EGF: variants seen among roughly 807,000 people sequenced by gnomAD.
The protein encoded by EGF is epidermal growth factor, also known as pro-epidermal growth factor.
A neutral mutation model predicts 143.8 loss-of-function variants in EGF; 95 were observed. The observed-to-expected ratio is 0.66, with a 90% CI of 0.56 to 0.78. The LOEUF (loss-of-function observed/expected upper bound fraction) is 0.78, where lower values mean the gene tolerates loss of function less well. EGF is among the 30% of genes least tolerant of loss of function. The probability of loss-of-function intolerance (pLI) is 0.00; values close to 1 mark genes in which losing one functional copy is unlikely to be tolerated. For synonymous variants in EGF, 510 were observed against 510.5 expected (o/e 1.00, Z 0.01); for missense variants, 1,320 against 1,470.9 (o/e 0.90, Z 1.68).
At chr4:109,944,967 A>T in intron 4 of EGF, 106 bp from the exon 5 acceptor site, 1 of 1,178,108 alleles carries the variant, frequency 8.5e-7, no homozygotes. Flanking sequence ...ACAATTGAAA[A>T]CGTAGGTGGT....
At chr4:109,920,036 T>G (rs1459872803) in intron 1 of EGF, among the ~76,000 whole-genome samples, 1 of 151,660 alleles carries the variant, frequency 6.6e-6, no homozygotes, top group African/African-American at 2.4e-5. Context: ...TTATCGTTGA[T>G]GCATAGGTTT....
At chr4:110,004,447 A>T in intron 21 of EGF, 58 bp from the exon 22 acceptor site, 1 of 1,447,554 alleles carries the variant, frequency 6.9e-7, no homozygotes, top group Non-Finnish European at 9.7e-7. Flanking sequence ...ATCATCACTG[A>T]GTGGGCTGAG....
Position 109,980,843 on chromosome 4 carries a change from T to C in EGF, c.2239T>C (p.Tyr747His), listed in dbSNP as rs910620478. ...TCTACTAGGAGCAGATCCCTGCTTA[T>C]ATCAAAACGGAGGCTGTGAACATAT... ...LAKPGADPCL[Y>H]QNGGCEHICK... Residue 747 changes from tyrosine (Y) to histidine (H), a missense_variant, in exon 15 of 24, where the codon TAT becomes CAT. Tyr to His is a moderately conservative substitution (Grantham distance 83). Transcript: ENST00000265171. 3 of 1,614,066 alleles carry C rather than the reference T, an allele frequency of 1.9e-6. No individual in the cohort carries two copies. The highest frequency in any genetic ancestry group is 2.5e-6 in the Non-Finnish European group (3 of 1,179,942).
intron 1 of EGF, among the ~76,000 whole-genome samples, chr4:109,914,896 G>A (rs1414416335): frequency 2.0e-5 from 3 of 152,188 alleles, no homozygotes; most frequent in Non-Finnish European, 4.4e-5. Context: ...TCTAGAGTTG[G>A]GCACTGTCAT....
chr4:109,947,603 C>A (rs1271207709), intron 5 of EGF, among the ~76,000 whole-genome samples: 2 of 152,188 alleles, frequency 1.3e-5, no homozygotes, highest in African/African-American at 4.8e-5. Context: ...ATCTGATACA[C>A]TGCCACATAC....
intron 18 of EGF, 40 bp downstream of exon 18, chr4:109,988,749 G>A (rs369544011): frequency 6.2e-7 from 1 of 1,612,290 alleles, no homozygotes; most frequent in Non-Finnish European, 8.5e-7. Context: ...GCAGAGGCAG[G>A]CCTCAGAAAT....
rs749171336 is a variant in EGF, at chr4:109,963,187, G to C, written c.1327G>C (p.Asp443His). The change falls in exon 9 of 24, where the codon GAT becomes CAT. Residue 443 changes from aspartate (D) to histidine (H), a missense_variant. Asp to His is a moderately conservative substitution (Grantham distance 81, BLOSUM62 -1). Coordinates refer to ENST00000265171, the MANE Select transcript of EGF (RefSeq NM_001963.6). ...GKTCSGCSSPDNGGCSQLCVP... is the reference protein window; with the variant it reads ...GKTCSGCSSPHNGGCSQLCVP... ...TGTTTTTGTAGGTTGTTCCTCACCC[G>C]ATAATGGTGGATGTAGCCAGCTCTG... 3 of 1,613,884 alleles carry C rather than the reference G, an allele frequency of 1.9e-6. No homozygotes were observed. The South Asian group carries it at 3.3e-5, about 18-fold the overall frequency.
intron 18 of EGF, among the ~76,000 whole-genome samples, chr4:109,990,305 T>C (rs541441911): frequency 6.6e-6 from 1 of 152,300 alleles, no homozygotes; most frequent in Admixed American, 6.5e-5. Flanking sequence ...TGATCAGTGA[T>C]GAAGAAGAGT....
chr4:109,914,368 A>C (rs1160775433), intron 1 of EGF, among the ~76,000 whole-genome samples: 1 of 152,198 alleles, frequency 6.6e-6, no homozygotes, highest in Non-Finnish European at 1.5e-5. Context: ...GGGGGAAAAC[A>C]CAGTACAGTT....
At chr4:109,981,963 C>G (rs1282595210) in intron 15 of EGF, among the ~76,000 whole-genome samples, 1 of 151,734 alleles carries the variant, frequency 6.6e-6, no homozygotes, top group Non-Finnish European at 1.5e-5. Context: ...CAGGGTCTCC[C>G]TCTGTTGCTC....
intron 1 of EGF, among the ~76,000 whole-genome samples, chr4:109,933,489 G>A (rs1740185670): frequency 1.3e-5 from 2 of 151,056 alleles, no homozygotes; most frequent in Admixed American, 6.6e-5. Context: ...TTGTTACATA[G>A]GTATATATGT....
chr4:110,005,980 A>G (rs1753225950), intron 22 of EGF, among the ~76,000 whole-genome samples: 1 of 152,036 alleles, frequency 6.6e-6, no homozygotes, highest in Admixed American at 6.6e-5. Flanking sequence ...ATCTTTTCCT[A>G]CCTGTAATAG....
chr4:109,981,945 T>G (rs1355377347), intron 15 of EGF, among the ~76,000 whole-genome samples: 2 of 151,918 alleles, frequency 1.3e-5, no homozygotes, highest in Non-Finnish European at 2.9e-5. Context: ...TATTTTTATT[T>G]TTTGAGACAG....
intron 18 of EGF, among the ~76,000 whole-genome samples, chr4:109,992,694 A>C (rs1158738387): frequency 4.6e-5 from 7 of 152,028 alleles, no homozygotes; most frequent in African/African-American, 1.7e-4. Flanking sequence ...CTTGGAACCA[A>C]CCCAAATGTC....
chr4:109,939,643 A>G (rs1485816916), intron 1 of EGF, among the ~76,000 whole-genome samples: 1 of 152,150 alleles, frequency 6.6e-6, no homozygotes, highest in Non-Finnish European at 1.5e-5. Flanking sequence ...GGAGCTGTAG[A>G]CCTGAGTTGT....
chr4:110,011,589 G>C lies in EGF; in HGVS notation c.*134G>C, dbSNP rs1754005633. The C allele has an allele frequency of 1.5e-6, 2 of 1,341,972 alleles. No homozygotes were observed. Among genetic ancestry groups the C allele is most frequent in the Admixed American group, 3.9e-5 (2 of 51,748 alleles). The allele number at this position is 1,341,972 out of a possible 1,614,324, so 83.1% of individuals were successfully genotyped here. On this transcript the variant is annotated 3_prime_UTR_variant, in exon 24 of 24. Transcript: ENST00000265171. ...ACTAATCACCTACTCAATGCCTGGA[G>C]ACAGATACGTAGTTGTGCTTTTGTT... is the stretch of plus-strand genomic sequence containing the variant.
intron 21 of EGF, among the ~76,000 whole-genome samples, chr4:110,002,712 A>G (rs1752727582): frequency 6.6e-6 from 1 of 151,950 alleles, no homozygotes; most frequent in African/African-American, 2.4e-5. Context: ...TTTGTTACAC[A>G]GGTAAACTTG....
At chr4:110,001,691 G>A (rs573234543) in intron 21 of EGF, 424 of 985,298 alleles carry the variant, frequency 4.3e-4, no homozygotes, top group Middle Eastern at 5.2e-4. Flanking sequence ...TTTTAAACTT[G>A]GAATTCAAAG....
At chr4:110,008,624 T>C (rs1372948196) in intron 23 of EGF, among the ~76,000 whole-genome samples, 2 of 152,214 alleles carry the variant, frequency 1.3e-5, no homozygotes, top group African/African-American at 4.8e-5. Flanking sequence ...TCAGCCCATC[T>C]AGTGGGAAGT....
Sources: allele counts gnomAD v4.1 joint callset (sites outside exome capture counted in the v4.1 genomes callset), GRCh38; gene constraint gnomAD v4.1.1; transcripts MANE v1.5; gene names NCBI Gene and HGNC (gene_info 2026-07-23, HGNC 2026-07-21).